ZNF844: variants seen among roughly 807,000 people sequenced by gnomAD.
The protein encoded by ZNF844 is zinc finger protein 844.
Under a neutral mutation model 11.4 loss-of-function variants are expected in ZNF844, and 11 were observed. The ratio of observed to expected loss-of-function variants is 0.97; its 90% confidence interval spans 0.61 to 1.60. The LOEUF (loss-of-function observed/expected upper bound fraction) is 1.60, where lower values mean the gene tolerates loss of function less well. ZNF844 is among the 40% of genes most tolerant of loss of function. The pLI is 0.00. For synonymous variants in ZNF844, 248 were observed against 260.3 expected, an observed-to-expected ratio of 0.95 and a Z score of 0.46; for missense variants, 790 against 796.8, an observed-to-expected ratio of 0.99 and a Z score of 0.10.
In ZNF844 at chr19:12,076,264, A is replaced by C. The variant is rs1385920469; in HGVS notation, c.1144A>C (p.Met382Leu). The C allele has an allele frequency of 3.1e-6, 5 of 1,613,138 alleles. No homozygotes were observed. The South Asian group carries it at 3.3e-5, about 11-fold the overall frequency. The change falls in exon 4 of 4, where the codon ATG (methionine) becomes CTG (leucine). Residue 382 changes from methionine (M) to leucine (L), a missense_variant. Met to Leu is a conservative substitution (Grantham distance 15). Coordinates refer to ENST00000439326, the MANE Select transcript of ZNF844 (RefSeq NM_001136501.3). ...GATTCTCCCAGTTCGTTTTGAAGAC[A>C]TGAAAGAACTCACACTGGAGAGAAA... ...PLILPVRFED[M>L]KELTLERNLM... is the part of the protein sequence containing the mutation.
chr19:12,074,325 T>G, intron 2 of ZNF844, 36 bp from the exon 3 acceptor site: 1 of 1,497,308 alleles, frequency 6.7e-7, no homozygotes, highest in Non-Finnish European at 9.0e-7. Flanking sequence ...TAATTTTATT[T>G]TAATTCAGGA....
At position 12,075,572 on chromosome 19, in the gene ZNF844, G is replaced by C. The variant is rs767122914; in HGVS notation, c.452G>C (p.Arg151Thr). 3 of 1,613,984 alleles carry C rather than the reference G, an allele frequency of 1.9e-6. No individual in the cohort carries two copies. The highest frequency in any genetic ancestry group is 1.7e-5 in the Admixed American group (1 of 59,976). The change falls in exon 4 of 4, where the codon AGA (arginine) becomes ACA (threonine). Residue 151 changes from arginine to threonine, a missense_variant. Around this residue, in one of 3 missense-constraint regions of ZNF844, gnomAD observed 657 missense variants for 636.2 expected, o/e 1.03. Transcript: ENST00000439326. ...YKCQQRKKAFRCHPSFQMQEK... is the reference protein window; with the variant it reads ...YKCQQRKKAFTCHPSFQMQEK... ...TGTCAACAACGTAAGAAAGCCTTCA[G>C]ATGTCACCCCTCCTTTCAAATGCAA...
rs1975891664 is a variant in ZNF844 at position 12,081,014 on chromosome 19, C to G, written c.*3893C>G. On this transcript the variant is annotated 3_prime_UTR_variant, in exon 4 of 4. Transcript: ENST00000439326. ...AAGTGATCCGTCTGTCTTGGCCTTT[C>G]AAAATGCTGGGATTATAGGCGTGAT... 1 of 152,246 alleles carries G rather than the reference C, an allele frequency of 6.6e-6. No individual in the cohort carries two copies. The highest frequency in any genetic ancestry group is 2.1e-4 in the South Asian group (1 of 4,832). The allele number at this position is 152,246 out of a possible 1,614,324, so 9.4% of individuals were successfully genotyped here. A position where few individuals can be genotyped will look rare whatever the true frequency, so the allele number is the denominator to read the frequency against.
rs372439396 is a variant in ZNF844, at chr19:12,076,679, A to G, written c.1559A>G (p.Lys520Arg). Residue 520 changes from lysine to arginine, a missense_variant, in exon 4 of 4, where the codon AAA (lysine) becomes AGA (arginine). Coordinates refer to ENST00000439326, the MANE Select transcript of ZNF844 (RefSeq NM_001136501.3). ...CCTTCACATCTGCCTCACACCTTCA[A>G]ATGCATGAAAGGACTCACACTGGAA... ...GKPSHLPHTF[K>R]CMKGLTLESN... The G allele has an allele frequency of 6.2e-7, 1 of 1,613,328 alleles. No individual in the cohort carries two copies. The highest frequency in any genetic ancestry group is 8.5e-7 in the Non-Finnish European group (1 of 1,179,868).
chr19:12,076,623 A>C lies in ZNF844; in HGVS notation c.1503A>C (p.Arg501Ser). The change falls in exon 4 of 4, where the codon AGA (arginine) becomes AGC (serine). Residue 501 changes from arginine to serine, a missense_variant. By Grantham distance (110) the Arg-to-Ser change is moderately radical. This residue lies in a region of ZNF844 where 657 missense variants were observed against 636.2 expected (regional missense o/e 1.03). Transcript: ENST00000439326. Reference protein sequence around the residue: ...FDIMKGLTLERNPMSVSNVGK... With the variant: ...FDIMKGLTLESNPMSVSNVGK... Reference sequence around the variant, plus strand: ...TCATGAAAGGACTCACACTGGAGAGAAACCCTATGAGTGTAAGCAATGTGG... The same window carrying C: ...TCATGAAAGGACTCACACTGGAGAGCAACCCTATGAGTGTAAGCAATGTGG... The C allele has an allele frequency of 6.2e-7, 1 of 1,614,018 alleles. No individual in the cohort carries two copies. The highest frequency in any genetic ancestry group is 1.7e-5 in the Admixed American group (1 of 59,976).
At chr19:12,069,783 C>T (rs1477218380) in intron 1 of ZNF844, among the ~76,000 whole-genome samples, 6 of 151,220 alleles carry the variant, frequency 4.0e-5, no homozygotes, top group Admixed American at 2.6e-4. Context: ...GGTGAAACCC[C>T]GTCTCTACTA....
chr19:12,064,880 A>T lies in ZNF844; in HGVS notation c.3+4A>T. ...GTCACCTGAAAGCCAGGAAATGGTG[A>T]GTGTGAGCCCCCGCTGGGAGTCCCG... is the stretch of plus-strand genomic sequence containing the variant. On this transcript the variant is annotated splice_donor_region_variant and intron_variant, in intron 1 of 3. Coordinates refer to ENST00000439326, the MANE Select transcript of ZNF844 (RefSeq NM_001136501.3). 6.5e-7 allele frequency: 1 copy of T among 1,549,040 alleles called. No individual in the cohort carries two copies.
At chr19:12,068,093 G>C (rs1975713543) in intron 1 of ZNF844, among the ~76,000 whole-genome samples, 1 of 152,044 alleles carries the variant, frequency 6.6e-6, no homozygotes, top group South Asian at 2.1e-4. Context: ...GGGATCCTTT[G>C]AGCTCAGGAG....
intron 1 of ZNF844, among the ~76,000 whole-genome samples, chr19:12,069,895 C>T (rs1320289740): frequency 2.8e-5 from 4 of 141,438 alleles, no homozygotes; most frequent in East Asian, 4.4e-4. Flanking sequence ...GCGGAGGTTG[C>T]GGAGAGCCAA....
intron 1 of ZNF844, among the ~76,000 whole-genome samples, chr19:12,066,163 C>T (rs577818276): frequency 6.6e-6 from 1 of 151,996 alleles, no homozygotes; most frequent in African/African-American, 2.4e-5. Context: ...TGGGCTCAAG[C>T]GATCTGCTCA....
rs1347408365 is a variant in ZNF844, at chr19:12,075,409, TCTC to T, written c.292_294del (p.Pro98del). The T allele has an allele frequency of 2.5e-6, 4 of 1,603,906 alleles. No individual in the cohort carries two copies. The highest frequency in any genetic ancestry group is 1.7e-4 in the Middle Eastern group (1 of 6,050). On this transcript the variant is annotated inframe_deletion, in exon 4 of 4. Transcript: ENST00000439326. The stretch of plus-strand genomic sequence containing the variant: ...AGATGACACACTGAACAAAAAAACT[TCTC>T]CTGGAGTAAAATCATGTGAAAGCAG...
intron 1 of ZNF844, among the ~76,000 whole-genome samples, chr19:12,068,351 G>A (rs987079694): frequency 6.6e-6 from 1 of 152,074 alleles, no homozygotes; most frequent in Non-Finnish European, 1.5e-5. Context: ...TTAAAGGCTG[G>A]GTGCGGTGGC....
At chr19:12,068,726 G>C (rs1469368594) in intron 1 of ZNF844, among the ~76,000 whole-genome samples, 1 of 152,190 alleles carries the variant, frequency 6.6e-6, no homozygotes, top group East Asian at 1.9e-4. Context: ...GAAATGATTA[G>C]ATACTTTTGC....
chr19:12,069,536 A>G (rs1975730311), intron 1 of ZNF844, among the ~76,000 whole-genome samples: 1 of 151,968 alleles, frequency 6.6e-6, no homozygotes, highest in Non-Finnish European at 1.5e-5. Context: ...GGGAGAAAGT[A>G]TAAGATCTGT....
rs1314059679 is a variant in ZNF844 at position 12,064,839 on chromosome 19, T to G, written c.-35T>G. ...GTCGCCCTGTCGTCTGTGTTGTGAC[T>G]GCTTTGGACGTGGGAGTCACCTGAA... On this transcript the variant is annotated 5_prime_UTR_variant, in exon 1 of 4. Transcript: ENST00000439326. The G allele has an allele frequency of 7.7e-6, 12 of 1,548,984 alleles. 1 individual carries two copies. The East Asian group carries it at 2.3e-4, about 29-fold the overall frequency.
chr19:12,068,366 G>T (rs542568371), intron 1 of ZNF844, among the ~76,000 whole-genome samples: 2 of 152,202 alleles, frequency 1.3e-5, no homozygotes, highest in Non-Finnish European at 2.9e-5. Flanking sequence ...GGTGGCTCAC[G>T]CCTGTAAACC....
intron 1 of ZNF844, 43 bp from the exon 2 acceptor site, chr19:12,073,988 G>A: frequency 6.3e-7 from 1 of 1,591,552 alleles, no homozygotes; most frequent in Non-Finnish European, 8.5e-7. Context: ...CCCCAGTGCT[G>A]TCAGTCTCAC....
intron 1 of ZNF844, among the ~76,000 whole-genome samples, chr19:12,069,600 GAA>G (rs569268285): frequency 1.9e-3 from 281 of 151,284 alleles, no homozygotes; most frequent in Admixed American, 4.2e-3. Flanking sequence ...ACAGAGAGGA[GAA>G]AACAAGGTTA....
Position 12,074,176 on chromosome 19 carries a change from CG to C in ZNF844, c.130+20del. 1 of 1,612,606 alleles carries C rather than the reference CG, an allele frequency of 6.2e-7. No individual in the cohort carries two copies. The highest frequency in any genetic ancestry group is 8.5e-7 in the Non-Finnish European group (1 of 1,179,404). The stretch of plus-strand genomic sequence containing the variant: ...TCCATAGGTAAGAATGACAGTATTA[CG>C]TCCCCCAGTGAATGAGACAAGTGTT... On this transcript the variant is annotated intron_variant, in intron 2 of 3. Coordinates refer to ENST00000439326, the MANE Select transcript of ZNF844 (RefSeq NM_001136501.3).
Sources: gnomAD v4.1 joint callset for allele counts (sites outside exome capture counted in the v4.1 genomes callset) on GRCh38, gnomAD v4.1.1 for gene constraint, gnomAD v4.1.1 regional missense constraint, MANE v1.5 for transcripts, NCBI Gene and HGNC (gene_info 2026-07-23, HGNC 2026-07-21) for gene names.